IL21R: variants seen among roughly 807,000 people sequenced by gnomAD.
IL21R encodes interleukin-21 receptor.
In IL21R, 14 loss-of-function variants were observed where a neutral mutation model predicts 41.3. That is an observed-to-expected ratio of 0.34 (90% CI 0.22 to 0.53). The LOEUF is 0.53. Ranked by LOEUF, IL21R falls within the 20% of genes least tolerant of loss-of-function variation. IL21R has a pLI of 0.94. For synonymous variants in IL21R, 286 were observed against 287.6 expected (o/e 0.99, Z 0.05); for missense variants, 588 against 681.6 (o/e 0.86, Z 1.53).
chr16:27,426,202 G>A (rs186451362), intron 1 of IL21R, among the ~76,000 whole-genome samples: 68 of 152,318 alleles, frequency 4.5e-4, no homozygotes, highest in African/African-American at 1.5e-3. Flanking sequence ...CCTATAAGTG[G>A]CAGAGCTGGG....
At chr16:27,423,977 T>A (rs1596576747) in intron 1 of IL21R, among the ~76,000 whole-genome samples, 1 of 152,220 alleles carries the variant, frequency 6.6e-6, no homozygotes, top group Non-Finnish European at 1.5e-5. Flanking sequence ...TTATATCATA[T>A]CCTGAGCAAT....
At position 27,450,625 on chromosome 16, in the gene IL21R, C is replaced by A. The variant is rs2087578507; in HGVS notation, c.*1342C>A. On this transcript the variant is annotated 3_prime_UTR_variant, in exon 9 of 9. Transcript: ENST00000337929. ...TTGAGACAGAGTCTCACTCTCGTCG[C>A]CCAGGCTGGAATGCAGTGGTGCGAT... is the stretch of plus-strand genomic sequence containing the variant. 1 of 219,784 alleles carries A rather than the reference C, an allele frequency of 4.5e-6. No individual in the cohort carries two copies. The highest frequency in any genetic ancestry group is 9.1e-6 in the Non-Finnish European group (1 of 109,876). The allele number at this position is 219,784 out of a possible 1,614,324, so 13.6% of individuals were successfully genotyped here.
At chr16:27,431,247 G>A (rs570683478) in intron 2 of IL21R, among the ~76,000 whole-genome samples, 1 of 152,312 alleles carries the variant, frequency 6.6e-6, no homozygotes, top group East Asian at 1.9e-4. Flanking sequence ...CTTTCTGAGT[G>A]GCAAGCATCC....
chr16:27,439,454 TCACA>T (rs1330483673), intron 4 of IL21R, among the ~76,000 whole-genome samples: 1 of 150,460 alleles, frequency 6.6e-6, no homozygotes. Flanking sequence ...ACGCACACAC[TCACA>T]CATGCATTCT....
At chr16:27,418,284 G>A (rs2086931105) in intron 1 of IL21R, among the ~76,000 whole-genome samples, 1 of 151,908 alleles carries the variant, frequency 6.6e-6, no homozygotes, top group African/African-American at 2.4e-5. Flanking sequence ...TAACCAGGAT[G>A]GTCTCGATCT....
chr16:27,436,306 G>C (rs2087269205), intron 3 of IL21R, among the ~76,000 whole-genome samples: 1 of 152,268 alleles, frequency 6.6e-6, no homozygotes, highest in African/African-American at 2.4e-5. Flanking sequence ...GACCACAACT[G>C]CTAGTGAGAA....
intron 2 of IL21R, among the ~76,000 whole-genome samples, chr16:27,432,927 C>T (rs549940597): frequency 6.6e-6 from 1 of 152,302 alleles, no homozygotes; most frequent in South Asian, 2.1e-4. Flanking sequence ...CTAGGTATTT[C>T]CTTCCCTGGG....
chr16:27,420,043 A>G (rs1702680588), intron 1 of IL21R, among the ~76,000 whole-genome samples: 1 of 151,848 alleles, frequency 6.6e-6, no homozygotes, highest in South Asian at 2.1e-4. Flanking sequence ...ATGTGTCACC[A>G]CGCCTGGCTA....
At chr16:27,425,005 T>G (rs1042178640) in intron 1 of IL21R, among the ~76,000 whole-genome samples, 6 of 152,110 alleles carry the variant, frequency 3.9e-5, no homozygotes, top group African/African-American at 1.4e-4. Context: ...TCAGGTGAAC[T>G]CACTCATCAC....
chr16:27,429,962 A>G lies in IL21R; in HGVS notation c.-16-94A>G, dbSNP rs179760. 0.8 allele frequency: 833,315 copies of G among 1,047,690 alleles called. 333,930 individuals are homozygous for G. Among genetic ancestry groups the G allele is most frequent in the East Asian group, 0.99 (37,780 of 37,974 alleles). The allele number at this position is 1,047,690 out of a possible 1,614,324, so 64.9% of individuals were successfully genotyped here. On this transcript the variant is annotated intron_variant, in intron 1 of 8. Transcript: ENST00000337929. ...TTTTCTTAAGACAGTTCCAAGAATC[A>G]GGGGCAAGTCTGCCTGGGAAGAGAC...
At chr16:27,436,284 C>T (rs2087268670) in intron 3 of IL21R, among the ~76,000 whole-genome samples, 1 of 152,218 alleles carries the variant, frequency 6.6e-6, no homozygotes. Context: ...AACACTGGAC[C>T]TCAGGTAAAG....
intron 1 of IL21R, among the ~76,000 whole-genome samples, chr16:27,407,394 G>T (rs115151999): frequency 6.6e-6 from 1 of 152,172 alleles, no homozygotes; most frequent in Non-Finnish European, 1.5e-5. Context: ...TTCAGATAGG[G>T]TTGCCTCTTT....
At chr16:27,407,206 A>T (rs1425947137) in intron 1 of IL21R, among the ~76,000 whole-genome samples, 1 of 152,172 alleles carries the variant, frequency 6.6e-6, no homozygotes, top group East Asian at 1.9e-4. Flanking sequence ...TGCACTAGGG[A>T]TACTGTGCTG....
chr16:27,403,089 T>C, intron 1 of IL21R: 1 of 556,352 alleles, frequency 1.8e-6, no homozygotes, highest in Non-Finnish European at 3.3e-6. Context: ...GATGAGGCAA[T>C]GAGGCTGCGA....
intron 2 of IL21R, among the ~76,000 whole-genome samples, chr16:27,433,453 A>C (rs2141288667): frequency 6.6e-6 from 1 of 152,322 alleles, no homozygotes; most frequent in East Asian, 1.9e-4. Context: ...GCAACAGAGC[A>C]AGAGATCCTA....
Position 27,449,234 on chromosome 16 carries a change from G to A in IL21R, c.1568G>A (p.Trp523Ter). 1.2e-6 allele frequency: 2 copies of A among 1,612,000 alleles called. No homozygotes were observed. The highest frequency in any genetic ancestry group is 1.7e-6 in the Non-Finnish European group (2 of 1,179,518). Residue 523 changes from tryptophan to a stop codon, truncating the protein, a stop_gained, in exon 9 of 9, where the codon TGG becomes TAG. Transcript: ENST00000337929. LOFTEE classifies it high-confidence loss of function. ...EGPPRSYLRQ[W>*]VVIPPPLSSP... ...CCCCCCCGGAGCTACCTCCGCCAGT[G>A]GGTGGTCATTCCTCCGCCACTTTCG... is the stretch of plus-strand genomic sequence containing the variant.
chr16:27,424,743 C>T lies in IL21R; in HGVS notation c.-16-5313C>T, dbSNP rs1377086443. ...AGACTGCAGAGGTTGGGTGCTGCAG[C>T]GGTGTGTCAGGCCATTCTTGCATTG... On this transcript the variant is annotated intron_variant, in intron 1 of 8. Transcript: ENST00000337929. 3.9e-5 allele frequency among the ~76,000 whole-genome samples: 6 copies of T among 152,264 alleles called. No individual in the cohort carries two copies. The East Asian group carries it at 5.8e-4, about 15-fold the overall frequency.
chr16:27,434,308 C>T, intron 2 of IL21R, 39 bp from the exon 3 acceptor site: 1 of 1,340,514 alleles, frequency 7.5e-7, no homozygotes. Context: ...AGTCCCAAGC[C>T]ACCCCCCACC....
rs1012781373 is a variant in IL21R at position 27,450,034 on chromosome 16, G to A, written c.*751G>A. ...TGGCGATGTCACCCGTGTACGGTAC[G>A]CAGCCCAGAGCAGACCCTCAATAAA... On this transcript the variant is annotated 3_prime_UTR_variant, in exon 9 of 9. Coordinates refer to ENST00000337929, the MANE Select transcript of IL21R (RefSeq NM_181078.3). 7 of 232,330 alleles carry A rather than the reference G, an allele frequency of 3.0e-5. No individual in the cohort carries two copies. Among genetic ancestry groups the A allele is most frequent in the African/African-American group, 4.4e-5 (2 of 45,276 alleles). 14.4% of individuals were successfully genotyped at this position (232,330 alleles called of 1,614,324 possible). A position where few individuals can be genotyped will look rare whatever the true frequency, so the allele number is the denominator to read the frequency against.
Sources: gnomAD v4.1 joint callset for allele counts (sites outside exome capture counted in the v4.1 genomes callset) on GRCh38, gnomAD v4.1.1 for gene constraint, MANE v1.5 for transcripts, NCBI Gene and HGNC (gene_info 2026-07-23, HGNC 2026-07-21) for gene names.